MFF: variants seen among roughly 807,000 people sequenced by gnomAD.
MFF encodes the protein chromosome 2 open reading frame 33.
In MFF, 12 loss-of-function variants were observed where a neutral mutation model predicts 36.9. That is an observed-to-expected ratio of 0.33 (90% CI 0.21 to 0.53). MFF has a LOEUF of 0.53. Ranked by LOEUF, MFF falls within the 20% of genes least tolerant of loss-of-function variation. The pLI is 0.95. For synonymous variants in MFF, 99 were observed against 126.2 expected, an observed-to-expected ratio of 0.78 and a Z score of 1.44; for missense variants, 348 against 366.6, an observed-to-expected ratio of 0.95 and a Z score of 0.42.
chr2:227,335,286 G>T (rs1245597407), intron 4 of MFF, among the ~76,000 whole-genome samples: 2 of 151,948 alleles, frequency 1.3e-5, no homozygotes, highest in Admixed American at 1.3e-4. Context: ...CTACTTACAT[G>T]AAATATCCAG....
rs10549336 is a variant in MFF, at chr2:227,331,959, A to ATTTTTTT, written c.182-436_182-430dup. ...AGTGAAATGTCAATACGCTGGAAGC[A>ATTTTTTT]TTTTTTTTTTTTTTTTTTTTTTTTT... On this transcript the variant is annotated intron_variant, in intron 3 of 8. Coordinates refer to ENST00000304593, the MANE Select transcript of MFF (RefSeq NM_001277062.2). 3.1e-4 allele frequency among the ~76,000 whole-genome samples: 24 copies of ATTTTTTT among 76,834 alleles called. 1 individual carries two copies. The highest frequency in any genetic ancestry group is 1.1e-3 in the African/African-American group (24 of 21,962). 50.4% of individuals were successfully genotyped at this position (76,834 alleles called of 152,430 possible). A position where few individuals can be genotyped will look rare whatever the true frequency, so the allele number is the denominator to read the frequency against.
intron 4 of MFF, 112 bp downstream of exon 4, chr2:227,332,700 A>T: frequency 1.5e-6 from 1 of 689,364 alleles, no homozygotes; most frequent in Admixed American, 2.9e-5. Context: ...AGCTTTCCAT[A>T]TGGAACATTA....
chr2:227,354,833 G>A (rs1023771857), intron 7 of MFF, among the ~76,000 whole-genome samples: 41 of 152,060 alleles, frequency 2.7e-4, no homozygotes, highest in African/African-American at 9.4e-4. Context: ...TTGTTTCTGC[G>A]GGAGAACACA....
chr2:227,352,890 T>C (rs1325629611), intron 7 of MFF, among the ~76,000 whole-genome samples: 2 of 152,212 alleles, frequency 1.3e-5, no homozygotes, highest in Non-Finnish European at 2.9e-5. Context: ...AAATCTTATT[T>C]TATGTACATC....
intron 7 of MFF, among the ~76,000 whole-genome samples, chr2:227,353,851 G>C (rs370755502): frequency 1.2e-4 from 18 of 152,078 alleles, no homozygotes; most frequent in East Asian, 5.8e-4. Context: ...GTTCAGTTCA[G>C]ATCCCTTTAA....
chr2:227,330,530 T>C, intron 2 of MFF, 96 bp from the exon 3 acceptor site: 2 of 762,648 alleles, frequency 2.6e-6, no homozygotes, highest in Non-Finnish European at 4.1e-6. Context: ...GAAGTTTCCT[T>C]TCGCTCTTTC....
At chr2:227,354,472 T>G (rs1004547859) in intron 7 of MFF, among the ~76,000 whole-genome samples, 1 of 152,228 alleles carries the variant, frequency 6.6e-6, no homozygotes, top group Non-Finnish European at 1.5e-5. Context: ...CTATGCCATT[T>G]TACTAAAATA....
intron 5 of MFF, among the ~76,000 whole-genome samples, chr2:227,345,507 T>A (rs1382653056): frequency 6.6e-6 from 1 of 152,254 alleles, no homozygotes; most frequent in Non-Finnish European, 1.5e-5. Context: ...CAGTTAACGC[T>A]GGCTGCTCTA....
At chr2:227,332,963 C>T (rs1159364136) in intron 4 of MFF, among the ~76,000 whole-genome samples, 6 of 152,026 alleles carry the variant, frequency 3.9e-5, no homozygotes, top group Non-Finnish European at 7.4e-5. Flanking sequence ...AACCCTTTTT[C>T]GCTTGACACT....
In MFF at chr2:227,330,714, A is replaced by G. The variant is rs746849523; in HGVS notation, c.49A>G (p.Ile17Val). 6 of 1,614,224 alleles carry G rather than the reference A, an allele frequency of 3.7e-6. No homozygotes were observed. The East Asian group carries it at 8.9e-5, about 24-fold the overall frequency. Residue 17 changes from isoleucine to valine, a missense_variant, in exon 3 of 9, where the codon ATT (isoleucine) becomes GTT (valine). Coordinates refer to ENST00000304593, the MANE Select transcript of MFF (RefSeq NM_001277062.2). ...GTACGAAATGGAATATACTGAAGGCATTAGTCAGCGAATGAGGGTCCCAGA... is the reference window on the plus strand; with the variant it reads ...GTACGAAATGGAATATACTGAAGGCGTTAGTCAGCGAATGAGGGTCCCAGA... ...IQYEMEYTEG[I>V]SQRMRVPEKL... is the part of the protein sequence containing the mutation.
intron 5 of MFF, among the ~76,000 whole-genome samples, chr2:227,345,460 G>A (rs1036263320): frequency 1.3e-5 from 2 of 152,190 alleles, no homozygotes; most frequent in Admixed American, 1.3e-4. Flanking sequence ...GGCAAAGTAC[G>A]GATTTGTCCT....
At chr2:227,356,277 A>T (rs1343124891) in intron 8 of MFF, among the ~76,000 whole-genome samples, 1 of 152,228 alleles carries the variant, frequency 6.6e-6, no homozygotes, top group Non-Finnish European at 1.5e-5. Context: ...CATTGCGTCT[A>T]TACCAAATAG....
In MFF at chr2:227,328,186, CATA is replaced by C. The variant is rs1245302490; in HGVS notation, c.-152-487_-152-485del. Among the ~76,000 whole-genome samples, 4 of 146,896 alleles carry C rather than the reference CATA, an allele frequency of 2.7e-5. No individual in the cohort carries two copies. In the South Asian group the frequency reaches 8.9e-4, roughly 33 times the overall value. On this transcript the variant is annotated intron_variant, in intron 1 of 8. Transcript: ENST00000304593. Reference sequence around the variant, plus strand: ...AGGAGTTTGAGATCAGCCTGAACAACATAATAAGACCCTGTCTCAACAAAAAAT... The same window carrying C: ...AGGAGTTTGAGATCAGCCTGAACAACATAAGACCCTGTCTCAACAAAAAAT...
At chr2:227,337,070 C>A (rs939555096) in intron 4 of MFF, among the ~76,000 whole-genome samples, 3 of 152,152 alleles carry the variant, frequency 2.0e-5, no homozygotes, top group African/African-American at 7.2e-5. Flanking sequence ...CTGCAATGAG[C>A]AGAATGGAGC....
chr2:227,342,728 C>A lies in MFF; in HGVS notation c.440+2348C>A, dbSNP rs374544546. 7.5e-6 allele frequency: 12 copies of A among 1,593,718 alleles called. No individual in the cohort carries two copies. The highest frequency in any genetic ancestry group is 1.3e-5 in the African/African-American group (1 of 74,186). On this transcript the variant is annotated intron_variant, in intron 5 of 8. Transcript: ENST00000304593. ...ATAAAAGCTGAATATGTAAAAGAAG[C>A]ATAATTATTATTTAAGGTGGCACAG... is the stretch of plus-strand genomic sequence containing the variant.
chr2:227,341,892 T>A (rs922416245), intron 5 of MFF, among the ~76,000 whole-genome samples: 1 of 152,086 alleles, frequency 6.6e-6, no homozygotes, highest in African/African-American at 2.4e-5. Flanking sequence ...ACCACTCTTA[T>A]TTTTTCTCCC....
At position 227,330,608 on chromosome 2, in the gene MFF, T is replaced by C; in HGVS notation, c.-40-18T>C. On this transcript the variant is annotated intron_variant, in intron 2 of 8. Coordinates refer to ENST00000304593, the MANE Select transcript of MFF (RefSeq NM_001277062.2). Reference sequence around the variant, plus strand: ...ACATTTTAACAGTCAGCCCTGTCTTTAAATTTTTCTCCCACAGGGTGAGCA... The same window carrying C: ...ACATTTTAACAGTCAGCCCTGTCTTCAAATTTTTCTCCCACAGGGTGAGCA... 1 of 1,595,102 alleles carries C rather than the reference T, an allele frequency of 6.3e-7. No individual in the cohort carries two copies. Among genetic ancestry groups the C allele is most frequent in the Admixed American group, 1.7e-5 (1 of 59,948 alleles).
chr2:227,357,059 T>C lies in MFF; in HGVS notation c.818T>C (p.Met273Thr), dbSNP rs77529562. 8 of 1,612,652 alleles carry C rather than the reference T, an allele frequency of 5.0e-6. No individual in the cohort carries two copies. Among genetic ancestry groups the C allele is most frequent in the Admixed American group, 1.7e-5 (1 of 60,006 alleles). Residue 273 changes from methionine to threonine, a missense_variant, in exon 9 of 9, where the codon ATG becomes ACG. Coordinates refer to ENST00000304593, the MANE Select transcript of MFF (RefSeq NM_001277062.2). ...NKERAKREMV[M>T]YSITVAFWLL... ...GAACGTGCTAAAAGAGAAATGGTCA[T>C]GTATTCAATTACTGTAGCTTTCTGG...
chr2:227,340,334 GAAAATGCTGTTCGCC>G lies in MFF; in HGVS notation c.401_415del (p.Ala134_Asn138del). ...ACTAAAAAGAGAGCGGTCTATGAGT[GAAAATGCTGTTCGCC>G]AAAATGGACAGCTGGTCAGAAATGA... is the stretch of plus-strand genomic sequence containing the variant. On this transcript the variant is annotated inframe_deletion, in exon 5 of 9. Coordinates refer to ENST00000304593, the MANE Select transcript of MFF (RefSeq NM_001277062.2). The G allele has an allele frequency of 6.2e-7, 1 of 1,614,020 alleles. No individual in the cohort carries two copies.
Sources: allele counts gnomAD v4.1 joint callset (sites outside exome capture counted in the v4.1 genomes callset), GRCh38; gene constraint gnomAD v4.1.1; transcripts MANE v1.5; gene names NCBI Gene and HGNC (gene_info 2026-07-23, HGNC 2026-07-21).